FHOD3: variants seen among roughly 807,000 people sequenced by gnomAD.
The protein encoded by FHOD3 is FH1/FH2 domain-containing protein 3.
Under a neutral mutation model 173.0 loss-of-function variants are expected in FHOD3, and 90 were observed. That is an observed-to-expected ratio of 0.52 (90% CI 0.44 to 0.62). The LOEUF (loss-of-function observed/expected upper bound fraction) is 0.62. FHOD3 is among the 20% of genes least tolerant of loss of function. FHOD3 has a pLI of 0.00. For missense variants in FHOD3, 1,945 were observed against 2,034.7 expected (o/e 0.96, Z 0.85); for synonymous variants, 828 against 823.0 (o/e 1.01, Z -0.10).
intron 19 of FHOD3, among the ~76,000 whole-genome samples, chr18:36,727,148 G>A (rs1006317449): frequency 1.3e-5 from 2 of 152,152 alleles, no homozygotes; most frequent in African/African-American, 4.8e-5. Context: ...GCTTTGGGAA[G>A]GAAGAGTGGA....
chr18:36,560,304 C>T (rs1017182792), intron 5 of FHOD3, among the ~76,000 whole-genome samples: 10 of 152,272 alleles, frequency 6.6e-5, no homozygotes, highest in Non-Finnish European at 1.2e-4. Flanking sequence ...AACATAGTTG[C>T]GAGACCTTGG....
chr18:36,658,245 T>G (rs561501814), intron 14 of FHOD3, 57 bp downstream of exon 14: 96 of 1,154,230 alleles, frequency 8.3e-5, no homozygotes, highest in Middle Eastern at 7.8e-4. Context: ...GGAATCAATT[T>G]GGTTAAGTGT....
At chr18:36,580,146 G>T (rs1027299331) in intron 6 of FHOD3, among the ~76,000 whole-genome samples, 14 of 152,166 alleles carry the variant, frequency 9.2e-5, no homozygotes, top group African/African-American at 3.1e-4. Context: ...AAATACATTT[G>T]TAGGAATTGT....
intron 3 of FHOD3, among the ~76,000 whole-genome samples, chr18:36,380,250 G>A (rs777415203): frequency 8.5e-5 from 13 of 152,052 alleles, no homozygotes; most frequent in Admixed American, 2.0e-4. Flanking sequence ...ATTATTTTAG[G>A]ATAATTGAAA....
chr18:36,617,246 A>G (rs1168125744), intron 9 of FHOD3, among the ~76,000 whole-genome samples: 2 of 152,208 alleles, frequency 1.3e-5, no homozygotes, highest in Non-Finnish European at 2.9e-5. Context: ...TCCTTTCCCC[A>G]GAAACATCTT....
At chr18:36,336,067 C>T (rs1230778779) in intron 1 of FHOD3, among the ~76,000 whole-genome samples, 1 of 152,168 alleles carries the variant, frequency 6.6e-6, no homozygotes, top group Non-Finnish European at 1.5e-5. Flanking sequence ...GAGCATTTCT[C>T]ATCAACATCT....
chr18:36,315,299 G>A (rs2044062896), intron 1 of FHOD3, among the ~76,000 whole-genome samples: 1 of 152,226 alleles, frequency 6.6e-6, no homozygotes, highest in South Asian at 2.1e-4. Context: ...ACATGGAGAT[G>A]TTTAGGGCAT....
chr18:36,336,072 A>G (rs1289462066), intron 1 of FHOD3, among the ~76,000 whole-genome samples: 1 of 152,122 alleles, frequency 6.6e-6, no homozygotes, highest in African/African-American at 2.4e-5. Flanking sequence ...TTTCTCATCA[A>G]CATCTGGGAA....
intron 14 of FHOD3, among the ~76,000 whole-genome samples, chr18:36,677,577 T>C (rs1290004847): frequency 2.6e-5 from 4 of 152,248 alleles, no homozygotes; most frequent in Non-Finnish European, 4.4e-5. Flanking sequence ...GTCTGTGTCA[T>C]GGCTCACTGT....
At chr18:36,481,799 G>C (rs2053913942) in intron 3 of FHOD3, among the ~76,000 whole-genome samples, 1 of 151,992 alleles carries the variant, frequency 6.6e-6, no homozygotes, top group African/African-American at 2.4e-5. Flanking sequence ...ACATTCCTTT[G>C]CCTCCTACCC....
At chr18:36,767,178 A>G (rs1348493730) in intron 27 of FHOD3, among the ~76,000 whole-genome samples, 1 of 152,190 alleles carries the variant, frequency 6.6e-6, no homozygotes, top group Admixed American at 6.5e-5. Flanking sequence ...TATAATGCTG[A>G]AAAAAACTGG....
chr18:36,566,945 G>A (rs1248479572), intron 5 of FHOD3, among the ~76,000 whole-genome samples: 1 of 152,134 alleles, frequency 6.6e-6, no homozygotes, highest in East Asian at 1.9e-4. Flanking sequence ...TGCGTTTTCT[G>A]TTCTATTTCA....
chr18:36,653,308 C>T, intron 12 of FHOD3, 34 bp from the exon 13 acceptor site: 2 of 1,474,358 alleles, frequency 1.4e-6, no homozygotes, highest in Non-Finnish European at 1.8e-6. Context: ...TCTTTCCGTG[C>T]CACATTGTGA....
At chr18:36,485,325 G>A (rs1453068072) in intron 3 of FHOD3, among the ~76,000 whole-genome samples, 3 of 152,102 alleles carry the variant, frequency 2.0e-5, no homozygotes, top group South Asian at 4.1e-4. Flanking sequence ...CTGTGGTTGC[G>A]AGTCTTTCTT....
At chr18:36,712,488 T>C (rs1335051604) in intron 18 of FHOD3, among the ~76,000 whole-genome samples, 1 of 151,634 alleles carries the variant, frequency 6.6e-6, no homozygotes, top group Non-Finnish European at 1.5e-5. Flanking sequence ...AAATACTTAC[T>C]GGATGGGCTT....
chr18:36,730,230 T>C (rs2041286175), intron 19 of FHOD3, among the ~76,000 whole-genome samples: 4 of 152,170 alleles, frequency 2.6e-5, no homozygotes, highest in Non-Finnish European at 5.9e-5. Flanking sequence ...CTTCTCAGCA[T>C]GTAAACCAGC....
intron 19 of FHOD3, among the ~76,000 whole-genome samples, chr18:36,720,185 C>A (rs1364456636): frequency 6.6e-6 from 1 of 150,746 alleles, no homozygotes; most frequent in Non-Finnish European, 1.5e-5. Flanking sequence ...TCCTGACTTT[C>A]TAGGACTGGT....
intron 3 of FHOD3, among the ~76,000 whole-genome samples, chr18:36,453,321 A>G (rs1473482389): frequency 6.6e-6 from 1 of 152,260 alleles, no homozygotes; most frequent in African/African-American, 2.4e-5. Flanking sequence ...GTTCCCCAAC[A>G]CTAAAGTGAA....
intron 3 of FHOD3, among the ~76,000 whole-genome samples, chr18:36,424,978 C>G (rs2050164770): frequency 6.6e-6 from 1 of 152,026 alleles, no homozygotes; most frequent in Non-Finnish European, 1.5e-5. Flanking sequence ...CATAATGGCC[C>G]CAAAGCACAA....
Sources: gnomAD v4.1 joint callset for allele counts (sites outside exome capture counted in the v4.1 genomes callset) on GRCh38, gnomAD v4.1.1 for gene constraint, MANE v1.5 for transcripts, NCBI Gene and HGNC (gene_info 2026-07-23, HGNC 2026-07-21) for gene names.